Variants in MSI1 observed in about 807,000 individuals in gnomAD.
The protein encoded by MSI1 is RNA-binding protein Musashi homolog 1.
In MSI1, 15 loss-of-function variants were observed where a neutral mutation model predicts 54.4. The ratio of observed to expected loss-of-function variants is 0.28; its 90% confidence interval spans 0.18 to 0.42. The LOEUF (loss-of-function observed/expected upper bound fraction) is 0.42, where lower values mean the gene tolerates loss of function less well. Among genes scored for constraint, MSI1 ranks in the 20% least tolerant of loss-of-function variants. The probability of loss-of-function intolerance (pLI) is 1.00; values close to 1 mark genes in which losing one functional copy is unlikely to be tolerated. For synonymous variants in MSI1, 200 were observed against 196.5 expected (o/e 1.02, Z -0.15); for missense variants, 304 against 506.0 (o/e 0.60, Z 3.83).
rs1876197262 is a variant in MSI1, at chr12:120,368,764, T to A, written c.100+69A>T. On this transcript the variant is annotated intron_variant, in intron 2 of 14. Coordinates refer to ENST00000257552, the MANE Select transcript of MSI1 (RefSeq NM_002442.4). The surrounding 1 kb of genome is among the most constrained non-coding windows in gnomAD (Gnocchi z 6.6). ...CAGGGCGCAGGGCCGGGCTGGGGTG[T>A]CCGGGTCCGGGGCGCCGGGGGGTCC... The A allele has an allele frequency of 6.1e-6, 8 of 1,307,038 alleles. No individual in the cohort carries two copies. In the East Asian group the frequency reaches 2.8e-4, roughly 46 times the overall value. The allele number at this position is 1,307,038 out of a possible 1,614,324, so 81.0% of individuals were successfully genotyped here.
rs528421471 is a variant in MSI1 at position 120,362,792 on chromosome 12, T to C, written c.402+251A>G. ...AGAATGAAGATAAGTAAGAGAAAAA[T>C]ACAGTGGAAGGGCAACAACAGGGCC... is the stretch of plus-strand genomic sequence containing the variant. On this transcript the variant is annotated intron_variant, in intron 6 of 14. Coordinates refer to ENST00000257552, the MANE Select transcript of MSI1 (RefSeq NM_002442.4). Among the ~76,000 whole-genome samples the C allele has an allele frequency of 2.6e-5, 4 of 152,034 alleles. No homozygotes were observed. The East Asian group carries it at 7.8e-4, about 30-fold the overall frequency.
intron 11 of MSI1, among the ~76,000 whole-genome samples, chr12:120,348,674 G>T (rs144752083): frequency 0.058 from 8,846 of 151,698 alleles, 387 homozygotes; most frequent in Admixed American, 0.15. Flanking sequence ...ACCTGAAGTC[G>T]GGAGTTCAAG....
chr12:120,358,005 G>C lies in MSI1; in HGVS notation c.452-107C>G, dbSNP rs532929718. The C allele has an allele frequency of 7.6e-6, 7 of 924,126 alleles. No homozygotes were observed. In the African/African-American group the frequency reaches 9.9e-5, roughly 13 times the overall value. 57.2% of individuals were successfully genotyped at this position (924,126 alleles called of 1,614,324 possible). On this transcript the variant is annotated intron_variant, in intron 7 of 14. Transcript: ENST00000257552. ...CCGCTCCTCTCTCTCTGGCGAGTGA[G>C]AGTTAATGAAAGGCTCTGCTCACAG...
intron 4 of MSI1, among the ~76,000 whole-genome samples, chr12:120,365,752 A>C (rs1875977652): frequency 6.6e-6 from 1 of 152,190 alleles, no homozygotes; most frequent in Non-Finnish European, 1.5e-5. Flanking sequence ...CGGTGACGTG[A>C]AAGGGCATGG....
At position 120,367,994 on chromosome 12, in the gene MSI1, C is replaced by T; in HGVS notation, c.267+14G>A. On this transcript the variant is annotated intron_variant, in intron 4 of 14. Coordinates refer to ENST00000257552, the MANE Select transcript of MSI1 (RefSeq NM_002442.4). The stretch of plus-strand genomic sequence containing the variant: ...CTCTCCCAAAGGACCCCCGAAGCCC[C>T]GAGGGCCACTCACTGTTTTGGAGTC... 2 of 1,605,310 alleles carry T rather than the reference C, an allele frequency of 1.2e-6. No individual in the cohort carries two copies. The highest frequency in any genetic ancestry group is 1.7e-6 in the Non-Finnish European group (2 of 1,175,718).
chr12:120,351,484 G>T, intron 10 of MSI1, 84 bp from the exon 11 acceptor site: 1 of 1,240,498 alleles, frequency 8.1e-7, no homozygotes, highest in Non-Finnish European at 1.2e-6. Flanking sequence ...CACCCACAGG[G>T]ACACTGGGTG....
At chr12:120,355,416 A>G (rs941145019) in intron 9 of MSI1, among the ~76,000 whole-genome samples, 2 of 151,962 alleles carry the variant, frequency 1.3e-5, no homozygotes, top group South Asian at 2.1e-4. Flanking sequence ...AAAAAAAAAA[A>G]AAAGAAAGAA....
chr12:120,355,374 C>T (rs1179440), intron 9 of MSI1, among the ~76,000 whole-genome samples: 106,158 of 147,410 alleles, frequency 0.72, 38,365 homozygotes, highest in South Asian at 0.79. Flanking sequence ...CACTGCAGTC[C>T]GGCCTGCGAA....
chr12:120,345,485 G>C lies in MSI1; in HGVS notation c.*21+85C>G, dbSNP rs187882218. 4.6e-4 allele frequency: 564 copies of C among 1,223,094 alleles called. 2 individuals carry two copies. Among genetic ancestry groups the C allele is most frequent in the Middle Eastern group, 2.7e-3 (10 of 3,744 alleles). The allele number at this position is 1,223,094 out of a possible 1,614,324, so 75.8% of individuals were successfully genotyped here. On this transcript the variant is annotated intron_variant, in intron 14 of 14. Coordinates refer to ENST00000257552, the MANE Select transcript of MSI1 (RefSeq NM_002442.4). ...CTGGGACTGTGGTTCTTGAGGGCAGGGATGGGGTCTGTGTCCCAGATTCGA... is the reference window on the plus strand; with the variant it reads ...CTGGGACTGTGGTTCTTGAGGGCAGCGATGGGGTCTGTGTCCCAGATTCGA...
intron 9 of MSI1, among the ~76,000 whole-genome samples, chr12:120,355,546 C>T (rs1431542736): frequency 6.6e-6 from 1 of 152,156 alleles, no homozygotes; most frequent in Non-Finnish European, 1.5e-5. Flanking sequence ...TGTAACTAGC[C>T]CTCAAATGAT....
intron 4 of MSI1, among the ~76,000 whole-genome samples, chr12:120,367,136 A>T (rs960387395): frequency 6.6e-6 from 1 of 152,068 alleles, no homozygotes; most frequent in African/African-American, 2.4e-5. Flanking sequence ...GGGCACAAGC[A>T]GCTATTGTTG....
At chr12:120,354,710 CG>C (rs1256009683) in intron 9 of MSI1, among the ~76,000 whole-genome samples, 1 of 152,200 alleles carries the variant, frequency 6.6e-6, no homozygotes, top group Non-Finnish European at 1.5e-5. Context: ...GGATTACAGG[CG>C]TGAGCCAAGG....
At chr12:120,341,067 G>C (rs1323338770), downstream of MSI1, among the ~76,000 whole-genome samples, 1 of 151,782 alleles carries the variant, frequency 6.6e-6, no homozygotes, top group Non-Finnish European at 1.5e-5. Context: ...TGTATTTTTA[G>C]TAGAGATGGG....
At chr12:120,364,902 G>A in intron 4 of MSI1, 147 bp from the exon 5 acceptor site, 1 of 616,726 alleles carries the variant, frequency 1.6e-6, no homozygotes, top group Admixed American at 3.4e-5. Flanking sequence ...GAGAATAGTG[G>A]TTAAGCATTT....
At chr12:120,359,730 G>A (rs562602824) in intron 6 of MSI1, among the ~76,000 whole-genome samples, 1 of 152,030 alleles carries the variant, frequency 6.6e-6, no homozygotes, top group African/African-American at 2.4e-5. Flanking sequence ...GGTCACCAAA[G>A]GCCTTGGTGC....
chr12:120,364,772 AG>A lies in MSI1; in HGVS notation c.268-18del. ...AGGGTCAATCTACAAGAAAAGGGAG[AG>A]GTAGAAGGGGTCTTGGTTATCGCAT... On this transcript the variant is annotated intron_variant, in intron 4 of 14. Coordinates refer to ENST00000257552, the MANE Select transcript of MSI1 (RefSeq NM_002442.4). 6.3e-7 allele frequency: 1 copy of A among 1,596,310 alleles called. No homozygotes were observed. Among genetic ancestry groups the A allele is most frequent in the Non-Finnish European group, 8.5e-7 (1 of 1,171,604 alleles).
downstream of MSI1, among the ~76,000 whole-genome samples, chr12:120,340,886 C>CTTTTTT (rs34926125): frequency 4.2e-5 from 5 of 119,456 alleles, no homozygotes; most frequent in African/African-American, 6.3e-5. Context: ...TTCTCCTATT[C>CTTTTTT]TTTTTTTTTT....
intron 14 of MSI1, among the ~76,000 whole-genome samples, 183 bp downstream of exon 14, chr12:120,345,387 C>T (rs1874026416): frequency 6.6e-6 from 1 of 152,100 alleles, no homozygotes; most frequent in African/African-American, 2.4e-5. Context: ...GCTTTGATTT[C>T]TGTGTTTAAA....
At chr12:120,351,801 C>T (rs868248990) in intron 10 of MSI1, among the ~76,000 whole-genome samples, 11 of 150,582 alleles carry the variant, frequency 7.3e-5, no homozygotes, top group Non-Finnish European at 1.5e-4. Context: ...CTCCGCCTTC[C>T]GGGTTCACGC....
Sources: gnomAD v4.1 joint callset for allele counts (sites outside exome capture counted in the v4.1 genomes callset) on GRCh38, gnomAD v4.1.1 for gene constraint, Gnocchi (gnomAD v3.1) non-coding constraint, MANE v1.5 for transcripts, NCBI Gene and HGNC (gene_info 2026-07-23, HGNC 2026-07-21) for gene names.